The following RHPN2 variants were observed in gnomAD, a reference collection of about 807,000 sequenced individuals.
The protein encoded by RHPN2 is rhophilin Rho GTPase binding protein 2.
In RHPN2, 40 loss-of-function variants were observed where a neutral mutation model predicts 79.0. The ratio of observed to expected loss-of-function variants is 0.51; its 90% CI spans 0.39 to 0.66. The LOEUF (loss-of-function observed/expected upper bound fraction) is 0.66. Ranked by LOEUF, RHPN2 falls within the 30% of genes least tolerant of loss-of-function variation. The pLI is 0.00. For missense variants in RHPN2, 686 were observed against 883.5 expected, an observed-to-expected ratio of 0.78 and a Z score of 2.83; for synonymous variants, 285 against 363.5, an observed-to-expected ratio of 0.78 and a Z score of 2.46.
intron 11 of RHPN2, among the ~76,000 whole-genome samples, chr19:32,994,476 T>C (rs1568310872): frequency 6.6e-6 from 1 of 152,064 alleles, no homozygotes; most frequent in Non-Finnish European, 1.5e-5. Flanking sequence ...TTTAGACAAG[T>C]AGCAGAAGAA....
chr19:33,018,027 G>A lies in RHPN2; in HGVS notation c.390+3544C>T, dbSNP rs560339537. Among the ~76,000 whole-genome samples, 38 of 152,218 alleles carry A rather than the reference G, an allele frequency of 2.5e-4. 1 individual carries two copies. In the South Asian group the frequency reaches 7.5e-3, roughly 30 times the overall value. On this transcript the variant is annotated intron_variant, in intron 4 of 14. Coordinates refer to ENST00000254260, the MANE Select transcript of RHPN2 (RefSeq NM_033103.5). ...AAATTAGCCGGGCGTGGTAGTGGGTGCCTGAAACCCCAGCTACTCAGGAGG... is the reference window on the plus strand; with the variant it reads ...AAATTAGCCGGGCGTGGTAGTGGGTACCTGAAACCCCAGCTACTCAGGAGG...
chr19:33,049,294 G>T (rs1378552506), intron 1 of RHPN2, among the ~76,000 whole-genome samples: 1 of 152,154 alleles, frequency 6.6e-6, no homozygotes, highest in Non-Finnish European at 1.5e-5. Flanking sequence ...TGCTCTGTAG[G>T]GGACAAGGTG....
chr19:33,009,456 CT>C (rs1435876441), intron 6 of RHPN2, among the ~76,000 whole-genome samples: 1 of 152,066 alleles, frequency 6.6e-6, no homozygotes, highest in Non-Finnish European at 1.5e-5. Flanking sequence ...ATTTGTTTTA[CT>C]TTTTATTTTT....
intron 1 of RHPN2, among the ~76,000 whole-genome samples, chr19:33,059,816 G>T (rs1023438268): frequency 6.6e-6 from 1 of 152,062 alleles, no homozygotes; most frequent in Non-Finnish European, 1.5e-5. Context: ...GACTTGTCAC[G>T]CCTTGCTCGA....
chr19:33,026,027 T>C (rs1971963714), intron 3 of RHPN2, among the ~76,000 whole-genome samples: 1 of 150,626 alleles, frequency 6.6e-6, no homozygotes, highest in East Asian at 2.0e-4. Context: ...AGTCTTGCTC[T>C]GTCAGCCGGG....
At chr19:33,007,919 C>A (rs1341641905) in intron 7 of RHPN2, 95 bp downstream of exon 7, 7 of 1,370,712 alleles carry the variant, frequency 5.1e-6, no homozygotes, top group Non-Finnish European at 7.1e-6. Context: ...CTGGCCCTTG[C>A]GAGGGATGAC....
intron 1 of RHPN2, among the ~76,000 whole-genome samples, chr19:33,049,075 T>G (rs1972167229): frequency 6.6e-6 from 1 of 152,068 alleles, no homozygotes; most frequent in South Asian, 2.1e-4. Flanking sequence ...TAGGAACACT[T>G]AGGGTTAGAT....
chr19:33,006,721 G>A (rs1297861568), intron 7 of RHPN2, among the ~76,000 whole-genome samples: 1 of 152,192 alleles, frequency 6.6e-6, no homozygotes, highest in African/African-American at 2.4e-5. Context: ...GCCAAGCCAG[G>A]CTCACCCACA....
intron 6 of RHPN2, among the ~76,000 whole-genome samples, chr19:33,009,134 A>T (rs1971817130): frequency 6.6e-6 from 1 of 152,056 alleles, no homozygotes; most frequent in Non-Finnish European, 1.5e-5. Flanking sequence ...AGCACAAAGG[A>T]TTTTTCCAGT....
In RHPN2 at chr19:32,989,703, C is replaced by T. The variant is rs566119457; in HGVS notation, c.1800+811G>A. Among the ~76,000 whole-genome samples, 3 of 152,294 alleles carry T rather than the reference C, an allele frequency of 2.0e-5. No individual in the cohort carries two copies. The South Asian group carries it at 6.2e-4, about 32-fold the overall frequency. On this transcript the variant is annotated intron_variant, in intron 14 of 14. Transcript: ENST00000254260. ...AAAGTTTGCTAGCAGGGTGCAGTGG[C>T]TCACGCCTGTAATCCCAGCACTTTG...
chr19:33,055,623 C>A (rs999051291), intron 1 of RHPN2, among the ~76,000 whole-genome samples: 1 of 151,690 alleles, frequency 6.6e-6, no homozygotes, highest in Middle Eastern at 3.2e-3. Flanking sequence ...ATAAAAGATG[C>A]ACACAAGTGT....
intron 1 of RHPN2, among the ~76,000 whole-genome samples, chr19:33,053,105 G>A (rs1439350346): frequency 6.6e-6 from 1 of 151,782 alleles, no homozygotes; most frequent in Admixed American, 6.6e-5. Context: ...CTGAGTAGCT[G>A]GGATTACAGG....
intron 4 of RHPN2, among the ~76,000 whole-genome samples, chr19:33,019,167 A>G (rs1971903238): frequency 6.6e-6 from 1 of 151,396 alleles, no homozygotes; most frequent in Non-Finnish European, 1.5e-5. Context: ...AAAATAAGCC[A>G]GGCACAGTGG....
At chr19:33,011,608 T>C (rs1020444380) in intron 6 of RHPN2, 71 bp downstream of exon 6, 71 of 1,608,256 alleles carry the variant, frequency 4.4e-5, no homozygotes, top group Middle Eastern at 1.7e-4. Context: ...GAGGGGCGTC[T>C]GTGATGCTGA....
At chr19:32,981,538 C>T (rs1244399577) in intron 14 of RHPN2, among the ~76,000 whole-genome samples, 1 of 149,346 alleles carries the variant, frequency 6.7e-6, no homozygotes, top group African/African-American at 2.5e-5. Flanking sequence ...ATGCAGTGAG[C>T]AATAGGTCTC....
intron 3 of RHPN2, among the ~76,000 whole-genome samples, chr19:33,025,620 T>C (rs1971959573): frequency 6.6e-6 from 1 of 152,266 alleles, no homozygotes; most frequent in African/African-American, 2.4e-5. Context: ...TCTCTGTGTG[T>C]GCATAGTGGC....
chr19:33,047,994 A>G (rs73585909), intron 1 of RHPN2, among the ~76,000 whole-genome samples: 29,183 of 152,002 alleles, frequency 0.19, 3,728 homozygotes, highest in South Asian at 0.36. Context: ...ACCACCACCC[A>G]TCCCCCACAT....
intron 6 of RHPN2, among the ~76,000 whole-genome samples, chr19:33,010,895 C>G (rs1309388712): frequency 6.6e-6 from 1 of 151,998 alleles, no homozygotes; most frequent in Non-Finnish European, 1.5e-5. Flanking sequence ...ATTGTCCAGG[C>G]TGGTCTCAAA....
At chr19:32,987,437 A>C (rs1450901550) in intron 14 of RHPN2, among the ~76,000 whole-genome samples, 17 of 152,080 alleles carry the variant, frequency 1.1e-4, no homozygotes. Context: ...TCTCCACCAA[A>C]GTGTCTTTTC....
Sources: allele counts gnomAD v4.1 joint callset (sites outside exome capture counted in the v4.1 genomes callset), GRCh38; gene constraint gnomAD v4.1.1; transcripts MANE v1.5; gene names NCBI Gene and HGNC (gene_info 2026-07-23, HGNC 2026-07-21).